The following GREB1L variants were observed in gnomAD, a reference collection of about 807,000 sequenced individuals.
GREB1L encodes the protein GREB1-like protein.
Under a neutral mutation model 200.8 loss-of-function variants are expected in GREB1L, and 17 were observed. The observed-to-expected ratio is 0.08, with a 90% CI of 0.06 to 0.13. The LOEUF (loss-of-function observed/expected upper bound fraction) is 0.13. Among genes scored for constraint, GREB1L ranks in the 10% least tolerant of loss-of-function variants. The pLI is 1.00. For missense variants in GREB1L, 1,657 were observed against 2,367.7 expected (o/e 0.70, Z 6.23); for synonymous variants, 789 against 893.0 (o/e 0.88, Z 2.08).
rs2037488675 is a variant in GREB1L, at chr18:21,518,156, T to C, written c.5394T>C (p.Tyr1798=). 9 of 1,551,660 alleles carry C rather than the reference T, an allele frequency of 5.8e-6. No homozygotes were observed. Among genetic ancestry groups the C allele is most frequent in the Non-Finnish European group, 7.8e-6 (9 of 1,146,978 alleles). ...AGAAATTCCTTCAGCACGCCTCATA[T>C]AAACTCTTCCCCAAAGCCATCCATA... ...LLEKFLQHAS[Y]KLFPKAIHNF... is the part of the protein sequence containing the mutation. The change falls in exon 31 of 33, where the codon TAT becomes TAC. Residue 1798 remains tyrosine, a synonymous_variant. Transcript: ENST00000424526.
intron 26 of GREB1L, 21 bp from the exon 27 acceptor site, chr18:21,508,365 CT>C: frequency 6.4e-7 from 1 of 1,550,720 alleles, no homozygotes; most frequent in South Asian, 1.2e-5. Context: ...CCTTTATGGT[CT>C]GTTTTTTTCC....
intron 2 of GREB1L, among the ~76,000 whole-genome samples, chr18:21,382,560 C>T (rs1481901627): frequency 6.7e-6 from 1 of 149,630 alleles, no homozygotes; most frequent in East Asian, 2.0e-4. Context: ...GGCGCAATCT[C>T]GGCTTACTGC....
chr18:21,251,628 A>T (rs1253550880), intron 1 of GREB1L, among the ~76,000 whole-genome samples: 1 of 152,192 alleles, frequency 6.6e-6, no homozygotes, highest in Non-Finnish European at 1.5e-5. Context: ...TTGGGGAAAA[A>T]AATCTGTACC....
chr18:21,363,154 G>A (rs1353027139), intron 1 of GREB1L, among the ~76,000 whole-genome samples: 1 of 152,130 alleles, frequency 6.6e-6, no homozygotes, highest in Non-Finnish European at 1.5e-5. Context: ...GATATTAAGA[G>A]TCAGGCTTAA....
At position 21,399,988 on chromosome 18, in the gene GREB1L, G is replaced by C. The variant is rs2041250275; in HGVS notation, c.533-1162G>C. Among the ~76,000 whole-genome samples, 3 of 152,080 alleles carry C rather than the reference G, an allele frequency of 2.0e-5. No homozygotes were observed. The South Asian group carries it at 6.2e-4, about 31-fold the overall frequency. ...ATATATCAGGTTAGCTTAGGGGTCT[G>C]AAAAGAGTGTATCACTTCATCAGTG... On this transcript the variant is annotated intron_variant, in intron 5 of 32. Coordinates refer to ENST00000424526, the MANE Select transcript of GREB1L (RefSeq NM_001142966.3).
At chr18:21,349,163 G>A (rs183312419) in intron 1 of GREB1L, among the ~76,000 whole-genome samples, 5 of 152,040 alleles carry the variant, frequency 3.3e-5, no homozygotes, top group Non-Finnish European at 7.4e-5. Flanking sequence ...TTTTTATCTG[G>A]TCTCTAATCA....
At chr18:21,394,029 A>G (rs956230408) in intron 4 of GREB1L, among the ~76,000 whole-genome samples, 14 of 152,332 alleles carry the variant, frequency 9.2e-5, no homozygotes, top group South Asian at 4.1e-4. Flanking sequence ...AGGGATCCAG[A>G]TACTGCCAGA....
chr18:21,363,265 G>GGCCCCCCCCCCCCCCC (rs2039605190), intron 1 of GREB1L, among the ~76,000 whole-genome samples: 1 of 32,606 alleles, frequency 3.1e-5, no homozygotes, highest in African/African-American at 1.5e-4. Context: ...GGCTCCCCCT[G>GGCCCCCCCCCCCCCCC]CCCCCACTCC....
chr18:21,309,142 A>C (rs1598647565), intron 1 of GREB1L, among the ~76,000 whole-genome samples: 4 of 152,340 alleles, frequency 2.6e-5, no homozygotes, highest in Admixed American at 2.6e-4. Context: ...AGTTAAATAG[A>C]CTGGGACATT....
intron 15 of GREB1L, among the ~76,000 whole-genome samples, chr18:21,463,295 G>A (rs2035133059): frequency 6.6e-6 from 1 of 151,568 alleles, no homozygotes; most frequent in African/African-American, 2.4e-5. Flanking sequence ...ACAAGCGCCC[G>A]CCACCGCGCC....
chr18:21,437,303 T>C (rs2033610444), intron 7 of GREB1L, among the ~76,000 whole-genome samples: 1 of 152,180 alleles, frequency 6.6e-6, no homozygotes, highest in Non-Finnish European at 1.5e-5. Context: ...GGTCCAACAA[T>C]TCTTGCAGGA....
At chr18:21,339,651 G>A (rs1017527510) in intron 1 of GREB1L, among the ~76,000 whole-genome samples, 27 of 152,214 alleles carry the variant, frequency 1.8e-4, no homozygotes, top group Admixed American at 1.8e-3. Flanking sequence ...GTCATTATAA[G>A]AATTAAGTGA....
chr18:21,486,520 G>A (rs771608776), intron 18 of GREB1L, among the ~76,000 whole-genome samples: 4 of 152,236 alleles, frequency 2.6e-5, no homozygotes, highest in African/African-American at 9.6e-5. Context: ...AGTATACACT[G>A]GAAGAAATTA....
intron 1 of GREB1L, among the ~76,000 whole-genome samples, chr18:21,298,776 A>G (rs546675670): frequency 1.3e-5 from 2 of 152,166 alleles, no homozygotes; most frequent in South Asian, 4.1e-4. Flanking sequence ...TCTATGCAAA[A>G]TGTAAAAATT....
At position 21,275,421 on chromosome 18, in the gene GREB1L, G is replaced by A. The variant is rs184467042; in HGVS notation, c.-120+33028G>A. 2.5e-3 allele frequency among the ~76,000 whole-genome samples: 376 copies of A among 152,028 alleles called. 3 individuals are homozygous for A. The highest frequency in any genetic ancestry group is 8.8e-3 in the African/African-American group (365 of 41,448). On this transcript the variant is annotated intron_variant, in intron 1 of 32. Transcript: ENST00000424526. ...AGCTGGGGTCTTCTTCTTTTGCCCA[G>A]GCTGAAGTGCAGTAGCAGTATATAT... is the stretch of plus-strand genomic sequence containing the variant.
chr18:21,483,255 T>C (rs1203963361), intron 17 of GREB1L, among the ~76,000 whole-genome samples: 1 of 152,200 alleles, frequency 6.6e-6, no homozygotes, highest in Non-Finnish European at 1.5e-5. Context: ...TTTGACATTT[T>C]CCCAAAGAAA....
intron 7 of GREB1L, among the ~76,000 whole-genome samples, chr18:21,418,522 T>TTTTGA (rs1477517384): frequency 6.6e-6 from 1 of 152,084 alleles, no homozygotes; most frequent in Non-Finnish European, 1.5e-5. Context: ...AATATTTTTG[T>TTTTGA]TTTGTTTTGT....
chr18:21,319,524 C>A (rs2038921264), intron 1 of GREB1L, among the ~76,000 whole-genome samples: 1 of 152,228 alleles, frequency 6.6e-6, no homozygotes, highest in African/African-American at 2.4e-5. Context: ...GTGTAATTAG[C>A]TGGATAGAAT....
chr18:21,439,384 G>A (rs768157951), intron 7 of GREB1L, 137 bp from the exon 8 acceptor site: 10 of 537,596 alleles, frequency 1.9e-5, no homozygotes, highest in Admixed American at 3.3e-5. Context: ...AGTTGGTTTT[G>A]TATAACTGGA....
Sources: gnomAD v4.1 joint callset for allele counts (sites outside exome capture counted in the v4.1 genomes callset) on GRCh38, gnomAD v4.1.1 for gene constraint, MANE v1.5 for transcripts, NCBI Gene and HGNC (gene_info 2026-07-23, HGNC 2026-07-21) for gene names.